The following SRGAP3 variants were observed in gnomAD, a reference collection of about 807,000 sequenced individuals.
SRGAP3 encodes SLIT-ROBO Rho GTPase activating protein 3.
A neutral mutation model predicts 121.1 loss-of-function variants in SRGAP3; 39 were observed. The ratio of observed to expected loss-of-function variants is 0.32; its 90% CI spans 0.25 to 0.42. The LOEUF is 0.42. Ranked by LOEUF, SRGAP3 falls within the 10% of genes least tolerant of loss-of-function variation. The probability of loss-of-function intolerance (pLI) is 1.00; values close to 1 mark genes in which losing one functional copy is unlikely to be tolerated. For synonymous variants in SRGAP3, 601 were observed against 570.0 expected (o/e 1.05, Z -0.77); for missense variants, 1,213 against 1,470.6 (o/e 0.82, Z 2.86).
At chr3:8,991,066 C>T (rs950136843) in intron 20 of SRGAP3, among the ~76,000 whole-genome samples, 4 of 152,308 alleles carry the variant, frequency 2.6e-5, no homozygotes, top group South Asian at 2.1e-4. Flanking sequence ...ATTTGGAGCA[C>T]GGTGCTTCCA....
At chr3:9,047,594 C>A (rs1470738705) in intron 9 of SRGAP3, 119 bp from the exon 10 acceptor site, 8 of 949,356 alleles carry the variant, frequency 8.4e-6, no homozygotes, top group Non-Finnish European at 1.3e-5. Flanking sequence ...CCCGCAGGGA[C>A]CCCGGCGCAG....
chr3:9,141,013 C>A (rs187568339), intron 1 of SRGAP3, among the ~76,000 whole-genome samples: 26 of 152,306 alleles, frequency 1.7e-4, no homozygotes, highest in African/African-American at 5.5e-4. Flanking sequence ...ATGAAGAACA[C>A]AAGATCTGAC....
chr3:9,189,576 A>T (rs989272235), intron 1 of SRGAP3, among the ~76,000 whole-genome samples: 1 of 152,180 alleles, frequency 6.6e-6, no homozygotes, highest in Non-Finnish European at 1.5e-5. Context: ...CATATTCCCT[A>T]CACTTCCTGT....
chr3:9,266,912 TTCC>T (rs199840368), intron 3 of SRGAP3, among the ~76,000 whole-genome samples: 9 of 151,842 alleles, frequency 5.9e-5, no homozygotes, highest in East Asian at 5.8e-4. Context: ...GCTTTGTCTA[TTCC>T]TCCTCCTCCT....
At chr3:9,044,398 C>T (rs925342119) in intron 10 of SRGAP3, among the ~76,000 whole-genome samples, 1 of 152,228 alleles carries the variant, frequency 6.6e-6, no homozygotes, top group Non-Finnish European at 1.5e-5. Context: ...GGAGGAATCA[C>T]ATCCTGGCAG....
At chr3:9,051,710 C>A (rs371002770) in intron 9 of SRGAP3, among the ~76,000 whole-genome samples, 5 of 103,102 alleles carry the variant, frequency 4.8e-5, no homozygotes, top group Admixed American at 2.4e-4. Context: ...TTGCTCAATT[C>A]TTTTTTTTTT....
At chr3:9,344,014 A>T (rs756849218) in intron 1 of SRGAP3, among the ~76,000 whole-genome samples, 1 of 152,218 alleles carries the variant, frequency 6.6e-6, no homozygotes, top group Non-Finnish European at 1.5e-5. Context: ...AGTAACACTC[A>T]TTATCATTTT....
intron 3 of SRGAP3, among the ~76,000 whole-genome samples, chr3:9,102,115 T>TAG (rs1948239492): frequency 1.3e-5 from 2 of 152,318 alleles, no homozygotes; most frequent in Admixed American, 1.3e-4. Context: ...TGTGGCTTGG[T>TAG]AGAGCCCTAG....
intron 1 of SRGAP3, among the ~76,000 whole-genome samples, chr3:9,128,928 A>G (rs1271413133): frequency 1.3e-5 from 2 of 152,236 alleles, no homozygotes; most frequent in Non-Finnish European, 2.9e-5. Flanking sequence ...GGGAACAAGC[A>G]TGGCTTCTGA....
intron 1 of SRGAP3, among the ~76,000 whole-genome samples, chr3:9,346,383 T>C (rs546036415): frequency 1.3e-5 from 2 of 152,034 alleles, no homozygotes; most frequent in African/African-American, 2.4e-5. Flanking sequence ...GCTAGGACTA[T>C]AGGCACTTGC....
chr3:9,339,535 T>TG (rs1955747288), intron 1 of SRGAP3, among the ~76,000 whole-genome samples: 1 of 152,168 alleles, frequency 6.6e-6, no homozygotes, highest in South Asian at 2.1e-4. Flanking sequence ...ATGTGATATG[T>TG]GACTGTGGCA....
intron 11 of SRGAP3, chr3:9,037,604 C>T (rs568797307): frequency 8.8e-6 from 2 of 227,100 alleles, no homozygotes; most frequent in Non-Finnish European, 1.8e-5. Flanking sequence ...TGCCCAGCTG[C>T]GCGCAATCTG....
chr3:9,028,524 ACCCCATAAGTTATTC>A (rs1559950084), intron 12 of SRGAP3, among the ~76,000 whole-genome samples: 1 of 152,090 alleles, frequency 6.6e-6, no homozygotes, highest in Non-Finnish European at 1.5e-5. Flanking sequence ...GCTACCTACG[ACCCCATAAGTTATTC>A]CCAGCTGCCC....
At chr3:9,085,889 A>T (rs1214834729) in intron 3 of SRGAP3, among the ~76,000 whole-genome samples, 3 of 152,202 alleles carry the variant, frequency 2.0e-5, no homozygotes. Context: ...TGATAAAATA[A>T]TTGGTATAAC....
intron 1 of SRGAP3, among the ~76,000 whole-genome samples, chr3:9,143,058 G>A (rs192674587): frequency 3.3e-5 from 5 of 151,900 alleles, no homozygotes; most frequent in African/African-American, 9.7e-5. Context: ...CAGGCTGGTC[G>A]AGAACTCCAG....
At chr3:9,004,081 T>C (rs1942926051) in intron 18 of SRGAP3, among the ~76,000 whole-genome samples, 2 of 152,136 alleles carry the variant, frequency 1.3e-5, no homozygotes, top group Non-Finnish European at 2.9e-5. Context: ...ATCAATTATA[T>C]TTCCATACAC....
intron 5 of SRGAP3, 31 bp downstream of exon 5, chr3:9,064,365 C>CA: frequency 6.2e-7 from 1 of 1,613,966 alleles, no homozygotes. Context: ...GCCCTGTCCC[C>CA]AATCGCTCCC....
chr3:9,204,668 C>G lies in SRGAP3; in HGVS notation c.67+44217G>C, dbSNP rs1198279722. Among the ~76,000 whole-genome samples the G allele has an allele frequency of 2.6e-5, 4 of 151,578 alleles. No homozygotes were observed. The East Asian group carries it at 7.7e-4, about 29-fold the overall frequency. Reference sequence around the variant, plus strand: ...CCTAAGGTCTTTTTTTTTTTTAAGTCCTAAGTGAATGCATGATTTTTCCCT... The same window carrying G: ...CCTAAGGTCTTTTTTTTTTTTAAGTGCTAAGTGAATGCATGATTTTTCCCT... On this transcript the variant is annotated intron_variant, in intron 1 of 21. Transcript: ENST00000383836.
At chr3:9,085,021 G>T (rs1947396242) in intron 3 of SRGAP3, among the ~76,000 whole-genome samples, 1 of 152,158 alleles carries the variant, frequency 6.6e-6, no homozygotes, top group South Asian at 2.1e-4. Context: ...ACTGTAAAAT[G>T]AGCACCTTGT....
Sources: gnomAD v4.1 joint callset for allele counts (sites outside exome capture counted in the v4.1 genomes callset) on GRCh38, gnomAD v4.1.1 for gene constraint, MANE v1.5 for transcripts, NCBI Gene and HGNC (gene_info 2026-07-23, HGNC 2026-07-21) for gene names.